The following ABCA5 variants were observed in gnomAD, a reference collection of about 807,000 sequenced individuals.
The protein encoded by ABCA5 is cholesterol transporter ABCA5.
In ABCA5, 163 loss-of-function variants were observed where a neutral mutation model predicts 206.0. The observed-to-expected ratio is 0.79, with a 90% CI of 0.70 to 0.90. The LOEUF (loss-of-function observed/expected upper bound fraction) is 0.90, where lower values mean the gene tolerates loss of function less well. Ranked by LOEUF, ABCA5 falls within the 40% of genes least tolerant of loss-of-function variation. The probability of loss-of-function intolerance (pLI) is 0.00; values close to 1 mark genes in which losing one functional copy is unlikely to be tolerated. For missense variants in ABCA5, 1,859 were observed against 1,912.9 expected, an observed-to-expected ratio of 0.97 and a Z score of 0.53; for synonymous variants, 609 against 613.8, an observed-to-expected ratio of 0.99 and a Z score of 0.11.
chr17:69,260,253 G>T, intron 27 of ABCA5, 85 bp downstream of exon 27: 1 of 1,004,344 alleles, frequency 1.0e-6, no homozygotes, highest in Non-Finnish European at 1.5e-6. Context: ...CATGCAACAG[G>T]ATAAAAAACT....
rs545384519 is a variant in ABCA5, at chr17:69,285,659, T to C, written c.2272+239A>G. Reference sequence around the variant, plus strand: ...ACAATTATTTTTACGTTTTTTAACATTTTCTTAAGTATTTAATATATTAGT... The same window carrying C: ...ACAATTATTTTTACGTTTTTTAACACTTTCTTAAGTATTTAATATATTAGT... On this transcript the variant is annotated intron_variant, in intron 17 of 38. Transcript: ENST00000392676. Among the ~76,000 whole-genome samples, 3 of 152,212 alleles carry C rather than the reference T, an allele frequency of 2.0e-5. No homozygotes were observed. In the South Asian group the frequency reaches 6.2e-4, roughly 32 times the overall value.
intron 11 of ABCA5, among the ~76,000 whole-genome samples, chr17:69,294,146 T>C (rs889554757): frequency 6.6e-6 from 1 of 152,240 alleles, no homozygotes; most frequent in Non-Finnish European, 1.5e-5. Context: ...TTCATTTTAA[T>C]AGATACTACA....
chr17:69,259,629 A>T lies in ABCA5; in HGVS notation c.3731+77T>A, dbSNP rs150843609. The T allele has an allele frequency of 6.3e-4, 641 of 1,019,182 alleles. 2 individuals carry two copies. In the African/African-American group the frequency reaches 9.3e-3, roughly 15 times the overall value. The allele number at this position is 1,019,182 out of a possible 1,614,324, so 63.1% of individuals were successfully genotyped here. A position where few individuals can be genotyped will look rare whatever the true frequency, so the allele number is the denominator to read the frequency against. On this transcript the variant is annotated intron_variant, in intron 28 of 38. Coordinates refer to ENST00000392676, the MANE Select transcript of ABCA5 (RefSeq NM_172232.4). ...TTTTTGGAGTGCTGGAAATGTTCCA[A>T]AATTATGTTATGGTAATGGTTACAC...
At chr17:69,312,801 C>A (rs374978634) in intron 3 of ABCA5, among the ~76,000 whole-genome samples, 1 of 151,846 alleles carries the variant, frequency 6.6e-6, no homozygotes, top group African/African-American at 2.4e-5. Flanking sequence ...AATGAAATAG[C>A]CCATCAAAGC....
intron 20 of ABCA5, among the ~76,000 whole-genome samples, chr17:69,273,425 T>C (rs2075294623): frequency 7.9e-6 from 1 of 126,736 alleles, no homozygotes; most frequent in South Asian, 2.4e-4. Context: ...TCTACTATTA[T>C]ACAAAGTATA....
intron 3 of ABCA5, among the ~76,000 whole-genome samples, chr17:69,312,557 T>G (rs1343913664): frequency 6.6e-6 from 1 of 152,306 alleles, no homozygotes; most frequent in Non-Finnish European, 1.5e-5. Flanking sequence ...CTTTATCACA[T>G]ATTTCTAGCT....
In ABCA5 at chr17:69,253,878, T is replaced by C. The variant is rs771243822; in HGVS notation, c.4245-9A>G. ...CAAGTGCATGTGTTATTCTGCAAAA[T>C]GAACAATACAAAATGAGAATACCAT... On this transcript the variant is annotated splice_polypyrimidine_tract_variant and intron_variant, in intron 32 of 38. Coordinates refer to ENST00000392676, the MANE Select transcript of ABCA5 (RefSeq NM_172232.4). 2.5e-6 allele frequency: 4 copies of C among 1,601,444 alleles called. No individual in the cohort carries two copies. In the Admixed American group the frequency reaches 6.7e-5, roughly 27 times the overall value.
chr17:69,311,530 G>T (rs142829154), intron 3 of ABCA5, among the ~76,000 whole-genome samples: 1 of 151,726 alleles, frequency 6.6e-6, no homozygotes, highest in East Asian at 1.9e-4. Flanking sequence ...TTGCTCTGTC[G>T]CCAGGCTTGA....
At chr17:69,296,873 A>G (rs2075588800) in intron 10 of ABCA5, among the ~76,000 whole-genome samples, 1 of 152,192 alleles carries the variant, frequency 6.6e-6, no homozygotes, top group Non-Finnish European at 1.5e-5. Flanking sequence ...GTTGAGGCAC[A>G]AGAATTGTTT....
rs2074973576 is a variant in ABCA5, at chr17:69,248,234, A to C, written c.4821+28T>G. The C allele has an allele frequency of 3.7e-6, 5 of 1,334,508 alleles. No individual in the cohort carries two copies. In the South Asian group the frequency reaches 5.3e-5, roughly 14 times the overall value. The allele number at this position is 1,334,508 out of a possible 1,614,324, so 82.7% of individuals were successfully genotyped here. On this transcript the variant is annotated intron_variant, in intron 38 of 38. Transcript: ENST00000392676. The stretch of plus-strand genomic sequence containing the variant: ...TATCAGATACTTTCTTCTATAAAAT[A>C]ATTTTTAAAAATTTAACTTTATAGT...
rs1371281342 is a variant in ABCA5, at chr17:69,302,274, G to A, written c.1119+444C>T. 3.3e-5 allele frequency among the ~76,000 whole-genome samples: 5 copies of A among 152,242 alleles called. 1 individual carries two copies. Among genetic ancestry groups the A allele is most frequent in the Admixed American group, 2.0e-4 (3 of 15,288 alleles). ...TTTGAATGACAATTCCATGAAGCCTGGGCCAACAAAATCCACCAGGCCTAC... is the reference window on the plus strand; with the variant it reads ...TTTGAATGACAATTCCATGAAGCCTAGGCCAACAAAATCCACCAGGCCTAC... On this transcript the variant is annotated intron_variant, in intron 8 of 38. Transcript: ENST00000392676.
chr17:69,259,661 G>A, intron 28 of ABCA5, 45 bp downstream of exon 28: 3 of 1,315,836 alleles, frequency 2.3e-6, no homozygotes, highest in Non-Finnish European at 2.2e-6. Flanking sequence ...ACACAGTTCT[G>A]TAAATATACT....
At chr17:69,262,896 T>C (rs572990557) in intron 24 of ABCA5, among the ~76,000 whole-genome samples, 1 of 152,220 alleles carries the variant, frequency 6.6e-6, no homozygotes, top group South Asian at 2.1e-4. Context: ...CTCGCCAGCA[T>C]CTGTTGGTTT....
At chr17:69,249,363 C>T (rs1026328974) in intron 37 of ABCA5, 1 of 152,248 alleles carries the variant, frequency 6.6e-6, no homozygotes. Flanking sequence ...ATCCTACATA[C>T]CACTTATTTT....
intron 2 of ABCA5, 35 bp downstream of exon 2, chr17:69,314,279 T>C (rs764066894): frequency 8.6e-6 from 12 of 1,400,396 alleles, no homozygotes; most frequent in Non-Finnish European, 3.0e-6. Context: ...CAAAATAAAC[T>C]GCAAAAAAGC....
intron 20 of ABCA5, among the ~76,000 whole-genome samples, chr17:69,273,008 C>A (rs1478244701): frequency 6.6e-6 from 1 of 152,138 alleles, no homozygotes; most frequent in African/African-American, 2.4e-5. Flanking sequence ...AACAACTGAT[C>A]ACATATGAAT....
At chr17:69,267,725 TGAGA>T (rs1165256702) in intron 23 of ABCA5, among the ~76,000 whole-genome samples, 3 of 152,122 alleles carry the variant, frequency 2.0e-5, no homozygotes, top group African/African-American at 7.2e-5. Context: ...CACAATGTTG[TGAGA>T]ATTAGAGAAT....
Position 69,264,869 on chromosome 17 carries a change from A to G in ABCA5, c.3181T>C (p.Leu1061=), listed in dbSNP as rs745542299. 1 of 1,559,324 alleles carries G rather than the reference A, an allele frequency of 6.4e-7. No homozygotes were observed. Among genetic ancestry groups the G allele is most frequent in the East Asian group, 2.3e-5 (1 of 42,968 alleles). Residue 1061 remains leucine, a synonymous_variant, in exon 24 of 39, where the codon TTG becomes CTG. Transcript: ENST00000392676. ...TGTCCAATCCAATATGCAGATGGCA[A>G]AAGACCTGAAAGTTTAAGTTGAGTA... ...AYTQLKLSGL[L]PSAYWIGQAV...
Position 69,273,959 on chromosome 17 carries a change from CAGCAGAATTTTGAAGA to C in ABCA5, c.2748_2763del (p.Leu917ThrfsTer16). 1 of 1,601,970 alleles carries C rather than the reference CAGCAGAATTTTGAAGA, an allele frequency of 6.2e-7. No individual in the cohort carries two copies. The highest frequency in any genetic ancestry group is 8.5e-7 in the Non-Finnish European group (1 of 1,176,332). ...TTCACAGACCTTCACACACTCTCACCAGCAGAATTTTGAAGAAGCAGACTTGTTTTGTATTTATGTG... is the reference window on the plus strand; with the variant it reads ...TTCACAGACCTTCACACACTCTCACCAGCAGACTTGTTTTGTATTTATGTG... On this transcript the variant is annotated frameshift_variant and splice_region_variant, in exon 20 of 39. Transcript: ENST00000392676. LOFTEE classifies it high-confidence loss of function.
Sources: gnomAD v4.1 joint callset for allele counts (sites outside exome capture counted in the v4.1 genomes callset) on GRCh38, gnomAD v4.1.1 for gene constraint, MANE v1.5 for transcripts, NCBI Gene and HGNC (gene_info 2026-07-23, HGNC 2026-07-21) for gene names.